Variants in CLSTN2 observed in about 807,000 individuals in gnomAD.
CLSTN2 encodes the protein calsyntenin-2.
CLSTN2 carries 48 observed loss-of-function variants against 101.2 expected under a neutral mutation model. That is an observed-to-expected ratio of 0.47 (90% CI 0.38 to 0.60). The LOEUF is 0.60. Ranked by LOEUF, CLSTN2 falls within the 20% of genes least tolerant of loss-of-function variation. CLSTN2 has a pLI of 0.00. For missense variants in CLSTN2, 1,160 were observed against 1,238.2 expected (o/e 0.94, Z 0.95); for synonymous variants, 481 against 463.6 (o/e 1.04, Z -0.48).
At chr3:140,223,896 C>T (rs1175870543) in intron 2 of CLSTN2, among the ~76,000 whole-genome samples, 4 of 152,078 alleles carry the variant, frequency 2.6e-5, no homozygotes, top group Non-Finnish European at 4.4e-5. Context: ...TCAGGTGACT[C>T]GTGTTCTTGG....
chr3:140,374,570 C>T (rs2087895016), intron 2 of CLSTN2, among the ~76,000 whole-genome samples: 1 of 151,934 alleles, frequency 6.6e-6, no homozygotes, highest in South Asian at 2.1e-4. Context: ...AAAAGAAGAC[C>T]CCAGATATTA....
At chr3:140,094,904 C>T (rs908603807) in intron 1 of CLSTN2, among the ~76,000 whole-genome samples, 2 of 152,200 alleles carry the variant, frequency 1.3e-5, no homozygotes, top group African/African-American at 4.8e-5. Context: ...TATAATACGT[C>T]AAGGATCGTA....
At chr3:140,060,757 C>T (rs551168814) in intron 1 of CLSTN2, among the ~76,000 whole-genome samples, 1 of 152,338 alleles carries the variant, frequency 6.6e-6, no homozygotes, top group African/African-American at 2.4e-5. Flanking sequence ...GTGTTAACCA[C>T]AGTGGTGGGC....
At chr3:140,010,147 G>T (rs940717121) in intron 1 of CLSTN2, among the ~76,000 whole-genome samples, 1 of 152,118 alleles carries the variant, frequency 6.6e-6, no homozygotes, top group South Asian at 2.1e-4. Context: ...ATGGTATTTG[G>T]CCCGTAAATA....
intron 8 of CLSTN2, among the ~76,000 whole-genome samples, chr3:140,497,117 AAGC>A (rs1167140461): frequency 8.6e-5 from 13 of 151,692 alleles, no homozygotes; most frequent in African/African-American, 2.7e-4. Flanking sequence ...AAAAAAAAAA[AAGC>A]AGCAGTTTGG....
chr3:140,111,815 C>G (rs2009160838), intron 1 of CLSTN2, among the ~76,000 whole-genome samples: 1 of 152,136 alleles, frequency 6.6e-6, no homozygotes, highest in African/African-American at 2.4e-5. Context: ...GCACCAGAAG[C>G]CACTGTGATA....
chr3:140,432,492 C>T (rs1388143603), intron 5 of CLSTN2, among the ~76,000 whole-genome samples: 1 of 152,230 alleles, frequency 6.6e-6, no homozygotes, highest in Admixed American at 6.5e-5. Flanking sequence ...GAGTTTGCAG[C>T]TGCTAAGGGG....
chr3:140,303,294 G>T (rs1297379970), intron 2 of CLSTN2, among the ~76,000 whole-genome samples: 2 of 152,184 alleles, frequency 1.3e-5, no homozygotes. Flanking sequence ...CTCATTCAGG[G>T]ACATGCATCA....
chr3:140,173,008 A>G (rs1302991083), intron 1 of CLSTN2, among the ~76,000 whole-genome samples: 1 of 152,138 alleles, frequency 6.6e-6, no homozygotes, highest in African/African-American at 2.4e-5. Flanking sequence ...CATTTCAAAA[A>G]CAATCATGCC....
At chr3:140,487,391 T>C (rs1467929897) in intron 8 of CLSTN2, among the ~76,000 whole-genome samples, 2 of 152,214 alleles carry the variant, frequency 1.3e-5, no homozygotes, top group East Asian at 1.9e-4. Flanking sequence ...AACAGCCCAA[T>C]AGAGGCTTTC....
At chr3:140,187,667 G>T (rs1283407014) in intron 2 of CLSTN2, among the ~76,000 whole-genome samples, 1 of 152,156 alleles carries the variant, frequency 6.6e-6, no homozygotes, top group East Asian at 1.9e-4. Context: ...CTTCTCAATT[G>T]TTTCTCATGT....
At chr3:140,046,428 C>G (rs1318728187) in intron 1 of CLSTN2, among the ~76,000 whole-genome samples, 1 of 152,144 alleles carries the variant, frequency 6.6e-6, no homozygotes. Context: ...AGATGGGTCT[C>G]CTGAATACAG....
At chr3:140,257,467 A>T (rs543722026) in intron 2 of CLSTN2, among the ~76,000 whole-genome samples, 1 of 152,100 alleles carries the variant, frequency 6.6e-6, no homozygotes, top group African/African-American at 2.4e-5. Flanking sequence ...ACTATTGTTC[A>T]GTTATTTATA....
intron 1 of CLSTN2, among the ~76,000 whole-genome samples, chr3:140,146,871 A>G (rs2009788300): frequency 6.6e-6 from 1 of 152,206 alleles, no homozygotes; most frequent in Non-Finnish European, 1.5e-5. Flanking sequence ...CCCTGTTTAC[A>G]GGATAAGTTT....
In CLSTN2 at chr3:140,400,816, G is replaced by A. The variant is rs374921371; in HGVS notation, c.233-2813G>A. 1.7e-4 allele frequency among the ~76,000 whole-genome samples: 26 copies of A among 152,234 alleles called. No homozygotes were observed. The South Asian group carries it at 2.7e-3, about 16-fold the overall frequency. ...GCCTGTGAAGCTAGCTCTGCCCCAC[G>A]GCCTCCACTCCTGCCACACTGGGCC... On this transcript the variant is annotated intron_variant, in intron 2 of 16. Coordinates refer to ENST00000458420, the MANE Select transcript of CLSTN2 (RefSeq NM_022131.3).
Position 140,570,948 on chromosome 3 carries a change from T to C in CLSTN2, c.*4695T>C, listed in dbSNP as rs1377164297. ...AGTGCCATAGTTTTTAATTAAGCTG[T>C]TTTAAAAGTCCATGTTCCGGGGGAA... is the stretch of plus-strand genomic sequence containing the variant. On this transcript the variant is annotated 3_prime_UTR_variant, in exon 17 of 17. Transcript: ENST00000458420. The C allele has an allele frequency of 6.6e-6, 1 of 152,238 alleles. No individual in the cohort carries two copies. Among genetic ancestry groups the C allele is most frequent in the Non-Finnish European group, 1.5e-5 (1 of 68,058 alleles). The allele number at this position is 152,238 out of a possible 1,614,324, so 9.4% of individuals were successfully genotyped here.
chr3:140,135,200 A>G (rs1242390337), intron 1 of CLSTN2, among the ~76,000 whole-genome samples: 1 of 146,036 alleles, frequency 6.8e-6, no homozygotes, highest in African/African-American at 2.5e-5. Flanking sequence ...ATGGAATTAT[A>G]CAATACACAT....
At chr3:140,121,422 C>T (rs1456603626) in intron 1 of CLSTN2, among the ~76,000 whole-genome samples, 1 of 152,142 alleles carries the variant, frequency 6.6e-6, no homozygotes, top group Non-Finnish European at 1.5e-5. Context: ...GCTTCCCAGG[C>T]CCAGAGTGGT....
At chr3:140,297,121 C>A (rs900552319) in intron 2 of CLSTN2, among the ~76,000 whole-genome samples, 1 of 152,212 alleles carries the variant, frequency 6.6e-6, no homozygotes, top group East Asian at 1.9e-4. Context: ...CTTCTGGCTA[C>A]TTTTTTTGAC....
Sources: gnomAD v4.1 joint callset for allele counts (sites outside exome capture counted in the v4.1 genomes callset) on GRCh38, gnomAD v4.1.1 for gene constraint, MANE v1.5 for transcripts, NCBI Gene and HGNC (gene_info 2026-07-23, HGNC 2026-07-21) for gene names.